CHRM5: variants seen among roughly 807,000 people sequenced by gnomAD.
CHRM5 encodes the protein muscarinic acetylcholine receptor M5.
CHRM5 carries 18 observed loss-of-function variants against 39.0 expected under a neutral mutation model. The ratio of observed to expected loss-of-function variants is 0.46; its 90% CI spans 0.32 to 0.68. CHRM5 has a LOEUF of 0.68. Among genes scored for constraint, CHRM5 ranks in the 30% least tolerant of loss-of-function variants. CHRM5 has a pLI of 0.04. For missense variants in CHRM5, 515 were observed against 651.1 expected, an observed-to-expected ratio of 0.79 and a Z score of 2.28; for synonymous variants, 241 against 246.3, an observed-to-expected ratio of 0.98 and a Z score of 0.20.
At chr15:33,994,317 C>A (rs901510546) in intron 1 of CHRM5, among the ~76,000 whole-genome samples, 1 of 152,198 alleles carries the variant, frequency 6.6e-6, no homozygotes, top group African/African-American at 2.4e-5. Context: ...AATCTAAGGC[C>A]TGATGATCTG....
intron 1 of CHRM5, among the ~76,000 whole-genome samples, chr15:33,999,696 C>A (rs565058938): frequency 6.6e-6 from 1 of 152,308 alleles, no homozygotes; most frequent in South Asian, 2.1e-4. Context: ...CTGGACCCAG[C>A]AACCACCACC....
rs1555518610 is a variant in CHRM5 at position 34,032,023 on chromosome 15, G to GCGCACACACA, written c.-407-14516_-407-14515insGCACACACAC. ...TCAACACACACATACGCGCGCACAC[G>GCGCACACACA]CACACACACACACACACAGGGCTTC... On this transcript the variant is annotated intron_variant, in intron 1 of 2. Transcript: ENST00000383263. Among the ~76,000 whole-genome samples, 61 of 149,042 alleles carry GCGCACACACA rather than the reference G, an allele frequency of 4.1e-4. No individual in the cohort carries two copies. In the South Asian group the frequency reaches 0.011, roughly 28 times the overall value.
rs1035543809 is a variant in CHRM5, at chr15:34,038,708, C to A, written c.-407-7832C>A. 4.1e-5 allele frequency: 46 copies of A among 1,112,494 alleles called. No homozygotes were observed. In the African/African-American group the frequency reaches 7.4e-4, roughly 18 times the overall value. The allele number at this position is 1,112,494 out of a possible 1,614,324, so 68.9% of individuals were successfully genotyped here. A position where few individuals can be genotyped will look rare whatever the true frequency, so the allele number is the denominator to read the frequency against. On this transcript the variant is annotated intron_variant, in intron 1 of 2. Transcript: ENST00000383263. ...GCGCCTGGCACGCTCTCTTGCGGCTCTTGACTGGCGGCCTCGGCCCCACTT... is the reference window on the plus strand; with the variant it reads ...GCGCCTGGCACGCTCTCTTGCGGCTATTGACTGGCGGCCTCGGCCCCACTT...
chr15:33,981,065 A>G (rs946248129), intron 1 of CHRM5, among the ~76,000 whole-genome samples: 1 of 134,888 alleles, frequency 7.4e-6, no homozygotes, highest in Non-Finnish European at 1.7e-5. Context: ...TAAACATACA[A>G]TCACAACTTG....
chr15:34,012,366 T>TA (rs1897674334), intron 1 of CHRM5, among the ~76,000 whole-genome samples: 1 of 152,210 alleles, frequency 6.6e-6, no homozygotes, highest in African/African-American at 2.4e-5. Context: ...GTCATCTGTA[T>TA]AAAAAATATC....
chr15:34,058,143 A>T (rs1414046408), intron 2 of CHRM5, among the ~76,000 whole-genome samples: 1 of 152,160 alleles, frequency 6.6e-6, no homozygotes, highest in Non-Finnish European at 1.5e-5. Flanking sequence ...CCTTCAAATG[A>T]TCGAATGAGG....
At chr15:33,983,492 G>A (rs16954030) in intron 1 of CHRM5, among the ~76,000 whole-genome samples, 40,051 of 151,632 alleles carry the variant, frequency 0.26, 7,330 homozygotes, top group African/African-American at 0.5. Flanking sequence ...TAAATAAAAA[G>A]GGCAAGTATT....
At chr15:34,011,077 T>A (rs2632073) in intron 1 of CHRM5, among the ~76,000 whole-genome samples, 1 of 152,056 alleles carries the variant, frequency 6.6e-6, no homozygotes, top group Non-Finnish European at 1.5e-5. Flanking sequence ...CTATAATACC[T>A]GCACTTTGGG....
chr15:34,034,329 TA>T (rs1185113482), intron 1 of CHRM5, among the ~76,000 whole-genome samples: 4 of 151,804 alleles, frequency 2.6e-5, no homozygotes, highest in African/African-American at 9.7e-5. Context: ...TACTCCCACC[TA>T]CTCAGGAGGC....
intron 1 of CHRM5, among the ~76,000 whole-genome samples, chr15:33,995,463 T>C (rs1369964328): frequency 6.6e-6 from 1 of 152,224 alleles, no homozygotes; most frequent in Non-Finnish European, 1.5e-5. Context: ...TTTGCCATTT[T>C]ATATCAGAGA....
intron 1 of CHRM5, among the ~76,000 whole-genome samples, chr15:34,014,723 G>A (rs1013373687): frequency 1.3e-5 from 2 of 152,086 alleles, no homozygotes; most frequent in African/African-American, 2.4e-5. Flanking sequence ...TGGGAACAGC[G>A]GCTAAATATG....
At chr15:33,983,278 C>T (rs1353248854) in intron 1 of CHRM5, among the ~76,000 whole-genome samples, 2 of 150,042 alleles carry the variant, frequency 1.3e-5, no homozygotes, top group African/African-American at 4.9e-5. Flanking sequence ...CAACAAATGA[C>T]AAAAGATAAA....
At position 34,066,849 on chromosome 15, in the gene CHRM5, C is replaced by T. The variant is rs1597397802; in HGVS notation, c.*2533C>T. ...AAGAGAGAGAGAGAGGTCAATGCTTCTTTTTTTATCATTGGTTTTGGAAAG... is the reference window on the plus strand; with the variant it reads ...AAGAGAGAGAGAGAGGTCAATGCTTTTTTTTTTATCATTGGTTTTGGAAAG... On this transcript the variant is annotated 3_prime_UTR_variant, in exon 3 of 3. Coordinates refer to ENST00000383263, the MANE Select transcript of CHRM5 (RefSeq NM_012125.4). 6.6e-6 allele frequency: 1 copy of T among 151,430 alleles called. No homozygotes were observed. The highest frequency in any genetic ancestry group is 1.9e-4 in the East Asian group (1 of 5,158). The allele number at this position is 151,430 out of a possible 1,614,324, so 9.4% of individuals were successfully genotyped here. A position where few individuals can be genotyped will look rare whatever the true frequency, so the allele number is the denominator to read the frequency against.
At chr15:33,982,272 G>C (rs1326211205) in intron 1 of CHRM5, among the ~76,000 whole-genome samples, 1 of 151,974 alleles carries the variant, frequency 6.6e-6, no homozygotes, top group Non-Finnish European at 1.5e-5. Context: ...CTAATTCAGA[G>C]GTTGGCCCTA....
intron 1 of CHRM5, among the ~76,000 whole-genome samples, chr15:34,021,457 G>A (rs1233367392): frequency 6.6e-6 from 1 of 151,930 alleles, no homozygotes; most frequent in Non-Finnish European, 1.5e-5. Context: ...AGCTAAGTTT[G>A]TATTTTTAGT....
Position 34,063,453 on chromosome 15 carries a change from C to T in CHRM5, c.736C>T (p.His246Tyr). 6.2e-7 allele frequency: 1 copy of T among 1,613,922 alleles called. No individual in the cohort carries two copies. Among genetic ancestry groups the T allele is most frequent in the Non-Finnish European group, 8.5e-7 (1 of 1,180,048 alleles). Residue 246 changes from histidine to tyrosine, a missense_variant, in exon 3 of 3, where the codon CAT (histidine) becomes TAT (tyrosine). His to Tyr is a moderately conservative substitution (Grantham distance 83). Coordinates refer to ENST00000383263, the MANE Select transcript of CHRM5 (RefSeq NM_012125.4). This position sits in a 1 kb window ranked among gnomAD's most constrained non-coding sequence, Gnocchi z 4.1. ...VTKAEKRKPAHRALFRSCLRC... is the reference protein window; with the variant it reads ...VTKAEKRKPAYRALFRSCLRC... ...CAAAGCTGAGAAGAGAAAGCCAGCTCATAGGGCTCTGTTCAGATCCTGCTT... is the reference window on the plus strand; with the variant it reads ...CAAAGCTGAGAAGAGAAAGCCAGCTTATAGGGCTCTGTTCAGATCCTGCTT...
intron 1 of CHRM5, among the ~76,000 whole-genome samples, chr15:34,028,265 C>T (rs1398244260): frequency 9.9e-5 from 15 of 152,196 alleles, no homozygotes; most frequent in Admixed American, 9.2e-4. Flanking sequence ...ATCTGACCTA[C>T]ACACTGTAAC....
At position 34,017,473 on chromosome 15, in the gene CHRM5, ATTTT is replaced by A. The variant is rs200988059; in HGVS notation, c.-407-29060_-407-29057del. 2.6e-3 allele frequency among the ~76,000 whole-genome samples: 264 copies of A among 101,494 alleles called. 2 individuals are homozygous for A. Among genetic ancestry groups the A allele is most frequent in the Non-Finnish European group, 1.3e-3 (64 of 49,352 alleles). 66.6% of individuals were successfully genotyped at this position (101,494 alleles called of 152,430 possible). A position where few individuals can be genotyped will look rare whatever the true frequency, so the allele number is the denominator to read the frequency against. ...AACCAAGATAAGTGATTTCAGTATGATTTTTTTTTTGTTTTTTTTTTTTTTTTGA... is the reference window on the plus strand; with the variant it reads ...AACCAAGATAAGTGATTTCAGTATGATTTTTTGTTTTTTTTTTTTTTTTGA... On this transcript the variant is annotated intron_variant, in intron 1 of 2. Transcript: ENST00000383263.
intron 1 of CHRM5, among the ~76,000 whole-genome samples, chr15:33,998,784 A>G (rs1403987055): frequency 6.6e-6 from 1 of 152,078 alleles, no homozygotes; most frequent in East Asian, 1.9e-4. Flanking sequence ...TCTTTCTTCT[A>G]CCACTCATGC....
Sources: allele counts gnomAD v4.1 joint callset (sites outside exome capture counted in the v4.1 genomes callset), GRCh38; gene constraint gnomAD v4.1.1; non-coding constraint Gnocchi (gnomAD v3.1); transcripts MANE v1.5; gene names NCBI Gene and HGNC (gene_info 2026-07-23, HGNC 2026-07-21).